The following MMS22L variants were observed in gnomAD, a reference collection of about 807,000 sequenced individuals.
MMS22L encodes MMS22 like, DNA repair protein, also known as protein MMS22-like.
MMS22L carries 74 observed loss-of-function variants against 159.1 expected under a neutral mutation model. That is an observed-to-expected ratio of 0.47 (90% confidence interval 0.39 to 0.56). MMS22L has a LOEUF of 0.56. Ranked by LOEUF, MMS22L falls within the 20% of genes least tolerant of loss-of-function variation. MMS22L has a pLI of 0.00. For synonymous variants in MMS22L, 517 were observed against 506.9 expected, an observed-to-expected ratio of 1.02 and a Z score of -0.27; for missense variants, 1,351 against 1,422.1, an observed-to-expected ratio of 0.95 and a Z score of 0.80.
chr6:97,218,391 A>C (rs939429355), intron 14 of MMS22L, among the ~76,000 whole-genome samples: 1 of 152,160 alleles, frequency 6.6e-6, no homozygotes, highest in Non-Finnish European at 1.5e-5. Flanking sequence ...AACCATTAGC[A>C]AGTAGTATGA....
At chr6:97,226,638 CTATACATTCTT>C (rs200849414) in intron 14 of MMS22L, among the ~76,000 whole-genome samples, 3,048 of 151,546 alleles carry the variant, frequency 0.02, 104 homozygotes, top group African/African-American at 0.069. Context: ...TGTGTATATC[CTATACATTCTT>C]TATACATTCT....
intron 14 of MMS22L, among the ~76,000 whole-genome samples, chr6:97,221,954 T>C (rs1000401885): frequency 2.6e-5 from 4 of 152,092 alleles, no homozygotes; most frequent in African/African-American, 9.6e-5. Flanking sequence ...TTCATACTAA[T>C]AGAACACCCA....
chr6:97,281,412 A>C, intron 2 of MMS22L, 50 bp from the exon 3 acceptor site: 1 of 1,424,418 alleles, frequency 7.0e-7, no homozygotes, highest in Non-Finnish European at 9.5e-7. Context: ...AAGTACCATA[A>C]TACGACGGCT....
intron 14 of MMS22L, among the ~76,000 whole-genome samples, chr6:97,225,822 C>G (rs1211948783): frequency 6.6e-6 from 1 of 152,130 alleles, no homozygotes; most frequent in African/African-American, 2.4e-5. Flanking sequence ...CCGCCCACCT[C>G]GGCCTCCCAA....
rs1804358619 is a variant in MMS22L, at chr6:97,178,573, ATGTACTCT to A, written c.2541_2548del (p.Lys847AsnfsTer13). 3 of 1,520,618 alleles carry A rather than the reference ATGTACTCT, an allele frequency of 2.0e-6. No homozygotes were observed. The highest frequency in any genetic ancestry group is 1.8e-6 in the Non-Finnish European group (2 of 1,113,992). The allele number at this position is 1,520,618 out of a possible 1,614,324, so 94.2% of individuals were successfully genotyped here. On this transcript the variant is annotated frameshift_variant, in exon 18 of 25. Transcript: ENST00000683635. LOFTEE classifies it high-confidence loss of function. ...TCTTGTCAGTTTGACCAACTGTTTC[ATGTACTCT>A]TTTTCTGTTAAAATAAAATAGTATT...
intron 14 of MMS22L, among the ~76,000 whole-genome samples, chr6:97,193,825 A>C (rs928742110): frequency 6.6e-6 from 1 of 152,168 alleles, no homozygotes; most frequent in African/African-American, 2.4e-5. Context: ...CAGTGGCAAG[A>C]TCTCGGCTCA....
chr6:97,174,554 T>C (rs1803931231), intron 18 of MMS22L, among the ~76,000 whole-genome samples: 2 of 152,086 alleles, frequency 1.3e-5, no homozygotes, highest in South Asian at 4.1e-4. Flanking sequence ...GGTCTAATTA[T>C]GGTGAATAGG....
chr6:97,152,678 T>C (rs1052985961), intron 22 of MMS22L, among the ~76,000 whole-genome samples: 2 of 152,110 alleles, frequency 1.3e-5, no homozygotes, highest in Non-Finnish European at 2.9e-5. Context: ...TAGTAGAGAA[T>C]GTTTTCCATG....
chr6:97,203,730 A>C (rs1332477839), intron 14 of MMS22L, among the ~76,000 whole-genome samples: 1 of 152,170 alleles, frequency 6.6e-6, no homozygotes, highest in African/African-American at 2.4e-5. Flanking sequence ...GAGCTGGGAC[A>C]ATCAATGAAT....
At chr6:97,283,890 A>G (rs1255831000), upstream of MMS22L, among the ~76,000 whole-genome samples, 1 of 152,344 alleles carries the variant, frequency 6.6e-6, no homozygotes, top group East Asian at 1.9e-4. Context: ...AATAAAGTAG[A>G]TACTTGAAAT....
Position 97,263,448 on chromosome 6 carries a change from C to T in MMS22L, c.829G>A (p.Val277Ile). ...ISLSLNRYDK[V>I]RSSESLMSDQ... is the part of the protein sequence containing the mutation. ...CTCATTAATGATTCAGAAGACCTAACCTATAGAAAATAACCAAAATGTGTT... is the reference window on the plus strand; with the variant it reads ...CTCATTAATGATTCAGAAGACCTAATCTATAGAAAATAACCAAAATGTGTT... Residue 277 changes from valine (V) to isoleucine (I), a missense_variant and splice_region_variant, in exon 9 of 25, where the codon GTT (valine) becomes ATT (isoleucine). Physicochemically the swap from Val to Ile is conservative, Grantham distance 29. Coordinates refer to ENST00000683635, the MANE Select transcript of MMS22L (RefSeq NM_001350599.2). The T allele has an allele frequency of 2.0e-6, 3 of 1,511,022 alleles. No homozygotes were observed. Among genetic ancestry groups the T allele is most frequent in the African/African-American group, 1.4e-5 (1 of 69,642 alleles). The allele number at this position is 1,511,022 out of a possible 1,614,324, so 93.6% of individuals were successfully genotyped here.
At chr6:97,167,107 A>G (rs1803032706) in intron 20 of MMS22L, among the ~76,000 whole-genome samples, 1 of 152,132 alleles carries the variant, frequency 6.6e-6, no homozygotes. Context: ...ACTAATGAAT[A>G]ATAAAGTACA....
chr6:97,270,326 T>A (rs1001895141), intron 6 of MMS22L: 1 of 468,022 alleles, frequency 2.1e-6, no homozygotes, highest in Non-Finnish European at 4.2e-6. Flanking sequence ...ATTTTCATAA[T>A]TTTGTTTTAG....
chr6:97,278,330 G>C (rs898446020), intron 4 of MMS22L, among the ~76,000 whole-genome samples: 5 of 151,704 alleles, frequency 3.3e-5, no homozygotes, highest in African/African-American at 9.7e-5. Flanking sequence ...TTGAACCCGG[G>C]GGGCAGAGGT....
chr6:97,246,497 G>C (rs1349164451), intron 11 of MMS22L, 131 bp downstream of exon 11: 5 of 654,596 alleles, frequency 7.6e-6, no homozygotes, highest in Non-Finnish European at 1.0e-5. Context: ...AAACTACTGT[G>C]AGTTAACCCT....
intron 14 of MMS22L, among the ~76,000 whole-genome samples, chr6:97,224,955 C>A (rs1212570271): frequency 6.6e-6 from 1 of 151,886 alleles, no homozygotes; most frequent in Non-Finnish European, 1.5e-5. Flanking sequence ...TGTAAGAAGG[C>A]AGCTGTGGTA....
intron 7 of MMS22L, among the ~76,000 whole-genome samples, chr6:97,269,123 A>G (rs909583680): frequency 6.6e-6 from 1 of 152,140 alleles, no homozygotes; most frequent in African/African-American, 2.4e-5. Flanking sequence ...GCAAAATACA[A>G]TGAGTAATTA....
intron 21 of MMS22L, among the ~76,000 whole-genome samples, chr6:97,162,691 A>T (rs1802570346): frequency 6.6e-6 from 1 of 151,978 alleles, no homozygotes; most frequent in South Asian, 2.1e-4. Flanking sequence ...CAAGTTAAAG[A>T]CTCAGAGAAC....
At chr6:97,230,534 T>C (rs1810748358) in intron 13 of MMS22L, 1 of 152,160 alleles carries the variant, frequency 6.6e-6, no homozygotes, top group Non-Finnish European at 1.5e-5. Context: ...ATTATCTTTG[T>C]ATTGTCTACT....
Sources: gnomAD v4.1 joint callset for allele counts (sites outside exome capture counted in the v4.1 genomes callset) on GRCh38, gnomAD v4.1.1 for gene constraint, MANE v1.5 for transcripts, NCBI Gene and HGNC (gene_info 2026-07-23, HGNC 2026-07-21) for gene names.